COL14A1: variants seen among roughly 807,000 people sequenced by gnomAD.
COL14A1 encodes the protein collagen type XIV alpha 1 chain, also known as collagen alpha-1(XIV) chain.
A neutral mutation model predicts 230.3 loss-of-function variants in COL14A1; 136 were observed. The observed-to-expected ratio is 0.59, with a 90% confidence interval of 0.51 to 0.68. The LOEUF is 0.68. COL14A1 is among the 30% of genes least tolerant of loss of function. The pLI, the probability that COL14A1 is intolerant of heterozygous loss-of-function variation, is 0.00. For synonymous variants in COL14A1, 792 were observed against 784.1 expected (o/e 1.01, Z -0.17); for missense variants, 1,976 against 2,215.8 (o/e 0.89, Z 2.17).
At chr8:120,271,999 C>A (rs1261122552) in intron 26 of COL14A1, among the ~76,000 whole-genome samples, 1 of 151,398 alleles carries the variant, frequency 6.6e-6, no homozygotes, top group Non-Finnish European at 1.5e-5. Flanking sequence ...AGGGTGGTAG[C>A]AATGAGGTAC....
At chr8:120,230,468 T>A (rs980990573) in intron 18 of COL14A1, among the ~76,000 whole-genome samples, 1 of 152,156 alleles carries the variant, frequency 6.6e-6, no homozygotes, top group African/African-American at 2.4e-5. Context: ...CTTTAAAGTC[T>A]TTTTCACAGC....
chr8:120,221,346 A>G (rs1817927889), intron 14 of COL14A1, among the ~76,000 whole-genome samples: 4 of 152,098 alleles, frequency 2.6e-5, no homozygotes, highest in African/African-American at 7.2e-5. Flanking sequence ...ATTTCCTCAA[A>G]TTTTTCTTCT....
At chr8:120,356,940 T>C (rs1294758357) in intron 45 of COL14A1, among the ~76,000 whole-genome samples, 1 of 152,170 alleles carries the variant, frequency 6.6e-6, no homozygotes, top group African/African-American at 2.4e-5. Context: ...GGTGTAGTCA[T>C]TTTAAGGCAT....
intron 45 of COL14A1, among the ~76,000 whole-genome samples, chr8:120,359,868 T>TTCTC (rs149854518): frequency 2.0e-5 from 3 of 151,406 alleles, no homozygotes; most frequent in Non-Finnish European, 4.4e-5. Flanking sequence ...GCACCTCATC[T>TTCTC]TCTCTCTCTC....
At position 120,243,038 on chromosome 8, in the gene COL14A1, T is replaced by G. The variant is rs78683895; in HGVS notation, c.2350-841T>G. ...TTACATCCTAGCACTTTTCCAGCCA[T>G]GATTAAGTTCTTTAAATGGCCCGGT... On this transcript the variant is annotated intron_variant, in intron 19 of 47. Coordinates refer to ENST00000297848, the MANE Select transcript of COL14A1 (RefSeq NM_021110.4). 9.8e-3 allele frequency among the ~76,000 whole-genome samples: 1,488 copies of G among 152,288 alleles called. 23 individuals are homozygous for G. The highest frequency in any genetic ancestry group is 0.034 in the African/African-American group (1,427 of 41,558).
chr8:120,317,319 G>A (rs1021851311), intron 40 of COL14A1, among the ~76,000 whole-genome samples: 6 of 152,190 alleles, frequency 3.9e-5, no homozygotes, highest in African/African-American at 1.4e-4. Context: ...TCTATAGAAT[G>A]TAGATGCGCA....
intron 16 of COL14A1, 146 bp from the exon 17 acceptor site, chr8:120,227,074 A>G (rs1818119541): frequency 1.2e-6 from 1 of 834,244 alleles, no homozygotes; most frequent in Non-Finnish European, 1.8e-6. Context: ...TGAAAGGAAT[A>G]AAGTCTCTGG....
At chr8:120,338,759 G>A (rs1822175435) in intron 42 of COL14A1, among the ~76,000 whole-genome samples, 1 of 152,122 alleles carries the variant, frequency 6.6e-6, no homozygotes, top group Non-Finnish European at 1.5e-5. Flanking sequence ...GTGTCATAAT[G>A]TATTAAAATA....
intron 46 of COL14A1, 86 bp from the exon 47 acceptor site, chr8:120,369,244 T>A: frequency 7.2e-7 from 1 of 1,385,986 alleles, no homozygotes; most frequent in South Asian, 1.7e-5. Flanking sequence ...TTGCTTCTTC[T>A]AAGAGTTAGT....
intron 2 of COL14A1, among the ~76,000 whole-genome samples, chr8:120,156,962 G>A (rs1815500658): frequency 6.6e-6 from 1 of 152,148 alleles, no homozygotes; most frequent in South Asian, 2.1e-4. Context: ...GAGAGACTGG[G>A]CTTAAAAGTG....
intron 46 of COL14A1, among the ~76,000 whole-genome samples, chr8:120,368,526 C>A (rs1823481611): frequency 1.3e-5 from 2 of 148,724 alleles, no homozygotes; most frequent in African/African-American, 4.9e-5. Flanking sequence ...CATTTCAGTT[C>A]TAGTTGAGAA....
intron 5 of COL14A1, among the ~76,000 whole-genome samples, chr8:120,175,077 T>G (rs1437093288): frequency 2.0e-5 from 3 of 152,228 alleles, no homozygotes; most frequent in African/African-American, 4.8e-5. Flanking sequence ...CAATCAGACG[T>G]ATTATACATA....
At chr8:120,159,237 A>G (rs900201646) in intron 3 of COL14A1, among the ~76,000 whole-genome samples, 3 of 152,190 alleles carry the variant, frequency 2.0e-5, no homozygotes, top group African/African-American at 7.2e-5. Flanking sequence ...AAAGATCCCC[A>G]GGTGATTCCT....
intron 23 of COL14A1, among the ~76,000 whole-genome samples, chr8:120,261,420 T>G (rs781513119): frequency 1.3e-5 from 2 of 152,238 alleles, no homozygotes; most frequent in African/African-American, 2.4e-5. Flanking sequence ...CATTAAATGT[T>G]GGCTATTATT....
At chr8:120,337,765 T>C (rs1268367613) in intron 42 of COL14A1, among the ~76,000 whole-genome samples, 2 of 152,258 alleles carry the variant, frequency 1.3e-5, no homozygotes, top group African/African-American at 4.8e-5. Flanking sequence ...AAGCATACTT[T>C]GGTGGAGTTA....
At chr8:120,215,780 G>A (rs1287013342) in intron 13 of COL14A1, among the ~76,000 whole-genome samples, 3 of 152,170 alleles carry the variant, frequency 2.0e-5, no homozygotes, top group Non-Finnish European at 2.9e-5. Context: ...GTTTTTGACT[G>A]ATCAGTGGGA....
At chr8:120,235,072 T>C (rs1818396130) in intron 19 of COL14A1, among the ~76,000 whole-genome samples, 1 of 152,216 alleles carries the variant, frequency 6.6e-6, no homozygotes, top group Non-Finnish European at 1.5e-5. Context: ...ATTTATCCAT[T>C]TCTTCTAGAT....
At chr8:120,335,366 C>T (rs2130234110) in intron 42 of COL14A1, among the ~76,000 whole-genome samples, 1 of 152,272 alleles carries the variant, frequency 6.6e-6, no homozygotes, top group Non-Finnish European at 1.5e-5. Flanking sequence ...GGCCCTTGTG[C>T]CATTGGTGCT....
chr8:120,255,213 T>G, intron 22 of COL14A1, 27 bp from the exon 23 acceptor site: 1 of 1,554,574 alleles, frequency 6.4e-7, no homozygotes, highest in Non-Finnish European at 8.9e-7. Context: ...TGCGGTGTGA[T>G]ACAGTTATGT....
Sources: gnomAD v4.1 joint callset for allele counts (sites outside exome capture counted in the v4.1 genomes callset) on GRCh38, gnomAD v4.1.1 for gene constraint, MANE v1.5 for transcripts, NCBI Gene and HGNC (gene_info 2026-07-23, HGNC 2026-07-21) for gene names.